Variants in CNGB3 observed in about 807,000 individuals in gnomAD.
The protein encoded by CNGB3 is cyclic nucleotide gated channel subunit beta 3, also known as cyclic nucleotide-gated channel beta-3.
A neutral mutation model predicts 92.8 loss-of-function variants in CNGB3; 86 were observed. The ratio of observed to expected loss-of-function variants is 0.93; its 90% CI spans 0.78 to 1.11. The LOEUF is 1.11. CNGB3 is among the 50% of genes least tolerant of loss of function. The pLI is 0.00. For synonymous variants in CNGB3, 333 were observed against 332.7 expected (o/e 1.00, Z -0.01); for missense variants, 1,026 against 956.8 (o/e 1.07, Z -0.95).
In CNGB3 at chr8:86,738,817, G is replaced by A. The variant is rs534048725; in HGVS notation, c.211+838C>T. On this transcript the variant is annotated intron_variant, in intron 2 of 17. Coordinates refer to ENST00000320005, the MANE Select transcript of CNGB3 (RefSeq NM_019098.5). ...GATTACGTCACTGCACTCCAGCCTG[G>A]GCGACAGAGCGAGACTCCGTCTCAA... Among the ~76,000 whole-genome samples, 4 of 146,282 alleles carry A rather than the reference G, an allele frequency of 2.7e-5. No homozygotes were observed. In the East Asian group the frequency reaches 8.0e-4, roughly 29 times the overall value.
intron 10 of CNGB3, among the ~76,000 whole-genome samples, chr8:86,635,513 AT>A (rs1023852031): frequency 7.4e-5 from 11 of 149,564 alleles, no homozygotes; most frequent in African/African-American, 2.2e-4. Flanking sequence ...GGCTTGAACA[AT>A]TTTTTTTATA....
At chr8:86,675,770 T>C (rs1325222424) in intron 3 of CNGB3, among the ~76,000 whole-genome samples, 1 of 152,144 alleles carries the variant, frequency 6.6e-6, no homozygotes, top group African/African-American at 2.4e-5. Flanking sequence ...AATTTGTGAC[T>C]TTTTTTGATA....
chr8:86,630,737 G>T (rs1822947212), intron 11 of CNGB3, among the ~76,000 whole-genome samples: 1 of 152,068 alleles, frequency 6.6e-6, no homozygotes, highest in South Asian at 2.1e-4. Flanking sequence ...AGCCAGGCAT[G>T]ATGGCACGCA....
chr8:86,591,448 GT>G (rs1563718100), intron 15 of CNGB3, among the ~76,000 whole-genome samples: 1 of 151,212 alleles, frequency 6.6e-6, no homozygotes, highest in East Asian at 1.9e-4. Flanking sequence ...TTTCTGTTCT[GT>G]TTTTTCCCCA....
chr8:86,727,989 C>CA (rs1563768282), intron 2 of CNGB3, among the ~76,000 whole-genome samples: 1 of 151,974 alleles, frequency 6.6e-6, no homozygotes, highest in African/African-American at 2.4e-5. Flanking sequence ...TAAAGGAAAT[C>CA]AAAAAATTGA....
rs150490913 is a variant in CNGB3, at chr8:86,667,038, C to T, written c.739G>A (p.Ala247Thr). The T allele has an allele frequency of 4.0e-5, 65 of 1,613,890 alleles. No individual in the cohort carries two copies. Among genetic ancestry groups the T allele is most frequent in the Middle Eastern group, 1.7e-4 (1 of 6,034 alleles). The change falls in exon 6 of 18, where the codon GCA becomes ACA. Residue 247 changes from alanine (A) to threonine (T), a missense_variant. Coordinates refer to ENST00000320005, the MANE Select transcript of CNGB3 (RefSeq NM_019098.5). ...ATAAGCCAGTAGTGTATGTTGTCTGCGGTTTGATATGGGAAGACGAGGCGC... is the reference window on the plus strand; with the variant it reads ...ATAAGCCAGTAGTGTATGTTGTCTGTGGTTTGATATGGGAAGACGAGGCGC... The part of the protein sequence containing the change: ...PLRLVFPYQT[A>T]DNIHYWLIAD...
rs554801367 is a variant in CNGB3, at chr8:86,599,654, G to C, written c.1781+4439C>G. ...CTGTCTTTTACGGTCGCAGCTGTAGGGTTGAAATAAGCCCCAGTCTCCTAT... is the reference window on the plus strand; with the variant it reads ...CTGTCTTTTACGGTCGCAGCTGTAGCGTTGAAATAAGCCCCAGTCTCCTAT... On this transcript the variant is annotated intron_variant, in intron 15 of 17. Transcript: ENST00000320005. Among the ~76,000 whole-genome samples the C allele has an allele frequency of 2.4e-3, 359 of 147,544 alleles. 1 individual carries two copies. Among genetic ancestry groups the C allele is most frequent in the African/African-American group, 9.1e-3 (338 of 37,156 alleles).
chr8:86,671,107 G>C lies in CNGB3; in HGVS notation c.339-9C>G. On this transcript the variant is annotated splice_polypyrimidine_tract_variant and intron_variant, in intron 3 of 17. Transcript: ENST00000320005. ...GCGGTTTGTTTTGTGGGCTAAATGAGAAAAAAAATGGCAATAGAGATGGGC... is the reference window on the plus strand; with the variant it reads ...GCGGTTTGTTTTGTGGGCTAAATGACAAAAAAAATGGCAATAGAGATGGGC... The C allele has an allele frequency of 6.2e-7, 1 of 1,611,998 alleles. No homozygotes were observed. Among genetic ancestry groups the C allele is most frequent in the Non-Finnish European group, 8.5e-7 (1 of 1,179,444 alleles).
intron 3 of CNGB3, among the ~76,000 whole-genome samples, chr8:86,689,823 T>C (rs1194948006): frequency 6.6e-6 from 1 of 152,192 alleles, no homozygotes; most frequent in Non-Finnish European, 1.5e-5. Flanking sequence ...TTTGGTTTTC[T>C]GTCCTTGTGA....
At chr8:86,696,094 AT>A (rs1824445065) in intron 3 of CNGB3, among the ~76,000 whole-genome samples, 1 of 152,024 alleles carries the variant, frequency 6.6e-6, no homozygotes, top group Non-Finnish European at 1.5e-5. Flanking sequence ...GGTTGTAGTT[AT>A]TTTTTGGTGT....
At chr8:86,635,861 T>TATAC (rs1554611017) in intron 10 of CNGB3, among the ~76,000 whole-genome samples, 5,351 of 65,344 alleles carry the variant, frequency 0.082, 385 homozygotes, top group South Asian at 0.11. Context: ...TATATATATA[T>TATAC]ATACACATAC....
At chr8:86,606,451 T>C (rs1822413199) in intron 14 of CNGB3, among the ~76,000 whole-genome samples, 2 of 152,130 alleles carry the variant, frequency 1.3e-5, no homozygotes, top group South Asian at 4.1e-4. Flanking sequence ...GCACCTGGCC[T>C]GTGCAAAATA....
chr8:86,579,065 AC>A, intron 16 of CNGB3, 40 bp downstream of exon 16: 2 of 1,613,766 alleles, frequency 1.2e-6, no homozygotes, highest in Non-Finnish European at 1.7e-6. Flanking sequence ...ACAAAGTAAA[AC>A]CAACTCCATC....
At chr8:86,661,345 T>G in intron 6 of CNGB3, 1 of 399,744 alleles carries the variant, frequency 2.5e-6, no homozygotes, top group Non-Finnish European at 5.0e-6. Flanking sequence ...CAAGCAATAT[T>G]GCTTTGCTTT....
chr8:86,593,228 A>G (rs923012360), intron 15 of CNGB3, among the ~76,000 whole-genome samples: 13 of 152,374 alleles, frequency 8.5e-5, no homozygotes, highest in Middle Eastern at 3.4e-3. Flanking sequence ...TGGATGAGCG[A>G]TGAAGAATCT....
chr8:86,684,109 C>G (rs1824135918), intron 3 of CNGB3, among the ~76,000 whole-genome samples: 1 of 152,014 alleles, frequency 6.6e-6, no homozygotes, highest in South Asian at 2.1e-4. Context: ...TGACAAAGGT[C>G]TAGTATCTAG....
At chr8:86,669,776 C>T (rs1823819249) in intron 4 of CNGB3, among the ~76,000 whole-genome samples, 1 of 151,878 alleles carries the variant, frequency 6.6e-6, no homozygotes, top group Non-Finnish European at 1.5e-5. Context: ...AAGCTTTGTT[C>T]TATTCTTTTC....
intron 6 of CNGB3, chr8:86,660,437 G>A (rs184603136): frequency 2.0e-6 from 1 of 497,154 alleles, no homozygotes. Context: ...AATAGGGTGT[G>A]GTCTCAATGC....
chr8:86,728,079 C>T (rs942318230), intron 2 of CNGB3, among the ~76,000 whole-genome samples: 3 of 152,084 alleles, frequency 2.0e-5, no homozygotes, highest in East Asian at 1.9e-4. Flanking sequence ...TTATTCATTA[C>T]GCATCTCCTA....
Sources: gnomAD v4.1 joint callset for allele counts (sites outside exome capture counted in the v4.1 genomes callset) on GRCh38, gnomAD v4.1.1 for gene constraint, MANE v1.5 for transcripts, NCBI Gene and HGNC (gene_info 2026-07-23, HGNC 2026-07-21) for gene names.